TNR: variants seen among roughly 807,000 people sequenced by gnomAD.
The protein encoded by TNR is tenascin R, also known as tenascin-R.
In TNR, 45 loss-of-function variants were observed where a neutral mutation model predicts 150.4. That is an observed-to-expected ratio of 0.30 (90% CI 0.24 to 0.38). The LOEUF is 0.38. Among genes scored for constraint, TNR ranks in the 10% least tolerant of loss-of-function variants. TNR has a pLI of 1.00. For missense variants in TNR, 1,544 were observed against 1,759.1 expected (o/e 0.88, Z 2.19); for synonymous variants, 687 against 678.4 (o/e 1.01, Z -0.20).
intron 2 of TNR, among the ~76,000 whole-genome samples, chr1:175,487,388 C>T (rs1658060094): frequency 6.6e-6 from 1 of 152,196 alleles, no homozygotes; most frequent in South Asian, 2.1e-4. Flanking sequence ...CCAACCATGG[C>T]TCAGGGGTTG....
chr1:175,439,511 C>T (rs1655681922), intron 2 of TNR, among the ~76,000 whole-genome samples: 1 of 152,026 alleles, frequency 6.6e-6, no homozygotes, highest in Non-Finnish European at 1.5e-5. Flanking sequence ...CAACAAAAGC[C>T]AAAACTGACA....
At chr1:175,634,919 G>C (rs1464067965) in intron 1 of TNR, among the ~76,000 whole-genome samples, 1 of 152,138 alleles carries the variant, frequency 6.6e-6, no homozygotes, top group Non-Finnish European at 1.5e-5. Flanking sequence ...GCTATTCAAA[G>C]TTGCCCCAGC....
In TNR at chr1:175,639,154, G is replaced by T. The variant is rs144448976; in HGVS notation, c.-165+104072C>A. ...ATTATAGTCTATATTCTACATAGTGGCCCAAATGATTAGTTTAAATCTCAA... is the reference window on the plus strand; with the variant it reads ...ATTATAGTCTATATTCTACATAGTGTCCCAAATGATTAGTTTAAATCTCAA... On this transcript the variant is annotated intron_variant, in intron 1 of 22. Coordinates refer to ENST00000367674, the MANE Select transcript of TNR (RefSeq NM_003285.3). Among the ~76,000 whole-genome samples, 3 of 152,200 alleles carry T rather than the reference G, an allele frequency of 2.0e-5. No individual in the cohort carries two copies. In the East Asian group the frequency reaches 5.8e-4, roughly 29 times the overall value.
intron 1 of TNR, among the ~76,000 whole-genome samples, chr1:175,664,350 AG>A (rs996251551): frequency 6.6e-6 from 1 of 152,188 alleles, no homozygotes; most frequent in African/African-American, 2.4e-5. Context: ...AGCAGAGTAG[AG>A]GGGCCTCTTG....
intron 1 of TNR, among the ~76,000 whole-genome samples, chr1:175,648,768 G>A (rs1664873690): frequency 6.6e-6 from 1 of 152,052 alleles, no homozygotes; most frequent in African/African-American, 2.4e-5. Context: ...GCCTAGCCCT[G>A]TCCTCAGTCT....
intron 1 of TNR, among the ~76,000 whole-genome samples, chr1:175,529,793 C>T (rs1167636036): frequency 6.6e-6 from 1 of 152,198 alleles, no homozygotes; most frequent in African/African-American, 2.4e-5. Context: ...TCCTCATCCT[C>T]ACCTGTGAGG....
At chr1:175,547,049 A>G (rs1003786881) in intron 1 of TNR, among the ~76,000 whole-genome samples, 5 of 152,172 alleles carry the variant, frequency 3.3e-5, no homozygotes, top group African/African-American at 1.2e-4. Flanking sequence ...GCTCATCCTG[A>G]CACTCCATTT....
At chr1:175,446,693 G>A (rs1311265665) in intron 2 of TNR, among the ~76,000 whole-genome samples, 1 of 152,016 alleles carries the variant, frequency 6.6e-6, no homozygotes, top group Non-Finnish European at 1.5e-5. Flanking sequence ...TTTAAAAAAA[G>A]CAAAACAAAA....
intron 2 of TNR, among the ~76,000 whole-genome samples, chr1:175,433,401 T>C (rs1244860893): frequency 6.6e-6 from 1 of 152,230 alleles, no homozygotes; most frequent in Non-Finnish European, 1.5e-5. Flanking sequence ...TCATGTTAGA[T>C]GGCTCATCTT....
At chr1:175,588,332 A>G (rs1662660921) in intron 1 of TNR, among the ~76,000 whole-genome samples, 1 of 152,198 alleles carries the variant, frequency 6.6e-6, no homozygotes, top group Non-Finnish European at 1.5e-5. Context: ...TGAAAGGGTA[A>G]AAAAATTCAA....
At chr1:175,494,244 A>G (rs929506745) in intron 2 of TNR, among the ~76,000 whole-genome samples, 11 of 152,178 alleles carry the variant, frequency 7.2e-5, no homozygotes, top group African/African-American at 2.7e-4. Flanking sequence ...GCACTGGCAG[A>G]TGCAAGTCCT....
At chr1:175,584,424 G>A (rs1278354002) in intron 1 of TNR, among the ~76,000 whole-genome samples, 1 of 152,186 alleles carries the variant, frequency 6.6e-6, no homozygotes, top group Non-Finnish European at 1.5e-5. Context: ...TGGGCCTGCT[G>A]ACACCCTGAT....
At chr1:175,708,055 T>A (rs1344999348) in intron 1 of TNR, among the ~76,000 whole-genome samples, 2 of 151,722 alleles carry the variant, frequency 1.3e-5, no homozygotes, top group Non-Finnish European at 2.9e-5. Context: ...TGTGTGTGTG[T>A]GTGTATTTAA....
intron 1 of TNR, among the ~76,000 whole-genome samples, chr1:175,735,045 C>G (rs773501705): frequency 6.6e-6 from 1 of 152,198 alleles, no homozygotes; most frequent in East Asian, 1.9e-4. Flanking sequence ...TTACAGCTTG[C>G]CTTATAAGTT....
intron 1 of TNR, among the ~76,000 whole-genome samples, chr1:175,625,195 GT>G (rs1220042303): frequency 6.6e-6 from 1 of 152,174 alleles, no homozygotes; most frequent in African/African-American, 2.4e-5. Flanking sequence ...CCTTTCTGAT[GT>G]TTTTTTCCTT....
At position 175,555,875 on chromosome 1, in the gene TNR, G is replaced by C. The variant is rs79514006; in HGVS notation, c.-164-27506C>G. Reference sequence around the variant, plus strand: ...GGCTCCTTCCAACCATGAGTTGTGTGGCTATAAGATTATCACCAACCATCT... The same window carrying C: ...GGCTCCTTCCAACCATGAGTTGTGTCGCTATAAGATTATCACCAACCATCT... On this transcript the variant is annotated intron_variant, in intron 1 of 22. Transcript: ENST00000367674. Among the ~76,000 whole-genome samples the C allele has an allele frequency of 7.0e-3, 1,061 of 152,274 alleles. 10 individuals carry two copies. The highest frequency in any genetic ancestry group is 0.024 in the African/African-American group (996 of 41,560).
intron 1 of TNR, among the ~76,000 whole-genome samples, chr1:175,711,674 G>T (rs1319113353): frequency 1.3e-5 from 2 of 152,208 alleles, no homozygotes; most frequent in African/African-American, 4.8e-5. Context: ...GACAACAGAA[G>T]CACTGAGAGA....
chr1:175,601,925 A>C (rs140510473), intron 1 of TNR, among the ~76,000 whole-genome samples: 11 of 152,274 alleles, frequency 7.2e-5, no homozygotes, highest in African/African-American at 2.4e-4. Context: ...GCCATGAATA[A>C]ATGCACACAG....
chr1:175,376,355 C>T (rs553515012), intron 9 of TNR, among the ~76,000 whole-genome samples: 1 of 152,296 alleles, frequency 6.6e-6, no homozygotes, highest in African/African-American at 2.4e-5. Context: ...CTCATGAATG[C>T]CTCATGATGG....
Sources: gnomAD v4.1 joint callset for allele counts (sites outside exome capture counted in the v4.1 genomes callset) on GRCh38, gnomAD v4.1.1 for gene constraint, MANE v1.5 for transcripts, NCBI Gene and HGNC (gene_info 2026-07-23, HGNC 2026-07-21) for gene names.